SCRN3: variants seen among roughly 807,000 people sequenced by gnomAD.
The protein encoded by SCRN3 is secernin 3, also known as secernin-3.
SCRN3 carries 39 observed loss-of-function variants against 43.1 expected under a neutral mutation model. The ratio of observed to expected loss-of-function variants is 0.91; its 90% CI spans 0.70 to 1.18. SCRN3 has a LOEUF of 1.18. Among genes scored for constraint, SCRN3 ranks in the 50% most tolerant of loss-of-function variants. SCRN3 has a pLI of 0.00. For missense variants in SCRN3, 484 were observed against 498.0 expected (o/e 0.97, Z 0.27); for synonymous variants, 147 against 163.1 (o/e 0.90, Z 0.75).
rs888428309 is a variant in SCRN3, at chr2:174,427,758, G to T, written c.1138G>T (p.Glu380Ter). The change falls in exon 8 of 8, where the codon GAA (glutamate) becomes TAA (stop). Residue 380 changes from glutamate to a stop codon, truncating the protein, a stop_gained. Coordinates refer to ENST00000272732, the MANE Select transcript of SCRN3 (RefSeq NM_024583.5). LOFTEE classifies it high-confidence loss of function. ...GGACAACATGAGGAAACTGGAGAAA[G>T]AACTATTCAGAGAGATGGAATCAAT... ...MLDNMRKLEK[E>*]LFREMESILQ... 1 of 1,609,716 alleles carries T rather than the reference G, an allele frequency of 6.2e-7. No individual in the cohort carries two copies. The highest frequency in any genetic ancestry group is 1.3e-5 in the African/African-American group (1 of 74,810).
chr2:174,396,786 T>C (rs1423326441), intron 1 of SCRN3, among the ~76,000 whole-genome samples: 1 of 146,892 alleles, frequency 6.8e-6, no homozygotes, highest in African/African-American at 2.5e-5. Flanking sequence ...CAACAAGAGT[T>C]AAACTCCATC....
chr2:174,406,860 A>C (rs376816470), intron 5 of SCRN3, among the ~76,000 whole-genome samples: 4,785 of 112,514 alleles, frequency 0.043, 70 homozygotes, highest in Middle Eastern at 0.14. Flanking sequence ...ATTTGGTTTG[A>C]CAGTATTTTA....
intron 1 of SCRN3, among the ~76,000 whole-genome samples, chr2:174,397,638 A>G (rs771317358): frequency 1.3e-5 from 2 of 152,146 alleles, no homozygotes; most frequent in Admixed American, 6.6e-5. Context: ...TTTCCATAAG[A>G]CAAGTTCCAG....
intron 5 of SCRN3, among the ~76,000 whole-genome samples, chr2:174,412,500 T>C (rs1472610210): frequency 3.0e-5 from 3 of 99,518 alleles, no homozygotes; most frequent in Admixed American, 2.0e-4. Flanking sequence ...TTCTCTCCCA[T>C]CTAGAGGAAT....
intron 5 of SCRN3, 40 bp downstream of exon 5, chr2:174,404,355 C>A: frequency 1.4e-6 from 2 of 1,394,888 alleles, no homozygotes; most frequent in Non-Finnish European, 2.0e-6. Context: ...TGACAAACTA[C>A]ATTTTGTGTA....
chr2:174,396,653 C>A (rs1337536114), intron 1 of SCRN3, among the ~76,000 whole-genome samples: 1 of 152,166 alleles, frequency 6.6e-6, no homozygotes, highest in African/African-American at 2.4e-5. Context: ...GAAAAATTAG[C>A]CGGGTGTGGT....
intron 5 of SCRN3, among the ~76,000 whole-genome samples, chr2:174,408,389 A>G (rs1685771842): frequency 7.1e-6 from 1 of 140,194 alleles, no homozygotes; most frequent in East Asian, 2.1e-4. Flanking sequence ...AATACAGCAC[A>G]CTGATGGATC....
In SCRN3 at chr2:174,428,400, A is replaced by G. The variant is rs1273510701; in HGVS notation, c.*505A>G. On this transcript the variant is annotated 3_prime_UTR_variant, in exon 8 of 8. Coordinates refer to ENST00000272732, the MANE Select transcript of SCRN3 (RefSeq NM_024583.5). ...ATGTCTAGATTTACACATTGTCAAT[A>G]CAGTATATTAGTTCTGCAAATGCAC... The G allele has an allele frequency of 6.5e-6, 1 of 152,694 alleles. No individual in the cohort carries two copies. The highest frequency in any genetic ancestry group is 6.5e-5 in the Admixed American group (1 of 15,288). The allele number at this position is 152,694 out of a possible 1,614,324, so 9.5% of individuals were successfully genotyped here. A position where few individuals can be genotyped will look rare whatever the true frequency, so the allele number is the denominator to read the frequency against.
intron 6 of SCRN3, among the ~76,000 whole-genome samples, chr2:174,423,689 T>TTGATCTCC (rs1305548476): frequency 6.6e-6 from 1 of 152,096 alleles, no homozygotes; most frequent in African/African-American, 2.4e-5. Flanking sequence ...CAGGATGGTC[T>TTGATCTCC]TGATCTCCTG....
intron 2 of SCRN3, among the ~76,000 whole-genome samples, chr2:174,399,477 A>G (rs922970353): frequency 6.6e-6 from 1 of 152,228 alleles, no homozygotes; most frequent in African/African-American, 2.4e-5. Context: ...GTTGAGAACT[A>G]CTTCCTTAAG....
intron 4 of SCRN3, among the ~76,000 whole-genome samples, chr2:174,403,853 G>A (rs1359637710): frequency 6.6e-6 from 1 of 151,722 alleles, no homozygotes; most frequent in East Asian, 1.9e-4. Flanking sequence ...GGGAAACTGG[G>A]TAAAGGGTAC....
chr2:174,399,027 C>T (rs960634821), intron 2 of SCRN3, among the ~76,000 whole-genome samples: 6 of 152,168 alleles, frequency 3.9e-5, no homozygotes, highest in African/African-American at 7.2e-5. Flanking sequence ...TATCAATATA[C>T]ATTTTATGCA....
intron 5 of SCRN3, among the ~76,000 whole-genome samples, chr2:174,417,375 T>C (rs547105790): frequency 1.3e-5 from 2 of 152,178 alleles, no homozygotes; most frequent in Non-Finnish European, 2.9e-5. Flanking sequence ...GGCCAGATAC[T>C]GTGCTAAATG....
At chr2:174,420,032 A>C (rs1686245748) in intron 5 of SCRN3, among the ~76,000 whole-genome samples, 1 of 152,180 alleles carries the variant, frequency 6.6e-6, no homozygotes, top group South Asian at 2.1e-4. Context: ...AAGACTCTAC[A>C]CATTGAGAAG....
Position 174,427,958 on chromosome 2 carries a change from A to G in SCRN3, c.*63A>G. 9.1e-7 allele frequency: 1 copy of G among 1,101,394 alleles called. No homozygotes were observed. The highest frequency in any genetic ancestry group is 1.3e-6 in the Non-Finnish European group (1 of 753,124). The allele number at this position is 1,101,394 out of a possible 1,614,324, so 68.2% of individuals were successfully genotyped here. A position where few individuals can be genotyped will look rare whatever the true frequency, so the allele number is the denominator to read the frequency against. On this transcript the variant is annotated 3_prime_UTR_variant, in exon 8 of 8. Coordinates refer to ENST00000272732, the MANE Select transcript of SCRN3 (RefSeq NM_024583.5). ...AGTGGTCAGTAATCTTCAAAGTCAG[A>G]ATCTATCACCTTGGTAAATTATATA...
intron 5 of SCRN3, among the ~76,000 whole-genome samples, chr2:174,418,031 A>G (rs947555933): frequency 1.3e-5 from 2 of 152,336 alleles, no homozygotes; most frequent in Admixed American, 6.5e-5. Flanking sequence ...TGCATAATCA[A>G]GATGGAGAGG....
rs375596137 is a variant in SCRN3, at chr2:174,427,444, CT to C, written c.1093-265del. Among the ~76,000 whole-genome samples the C allele has an allele frequency of 2.5e-4, 38 of 152,200 alleles. No homozygotes were observed. In the East Asian group the frequency reaches 7.3e-3, roughly 29 times the overall value. The stretch of plus-strand genomic sequence containing the variant: ...ATGAGATTTTCTATTGTCCTGTTGT[CT>C]TTTAGGTTTTTTACTTATAAACTAC... On this transcript the variant is annotated intron_variant, in intron 7 of 7. Coordinates refer to ENST00000272732, the MANE Select transcript of SCRN3 (RefSeq NM_024583.5).
At chr2:174,397,802 C>T (rs145440512) in intron 1 of SCRN3, among the ~76,000 whole-genome samples, 28 of 152,098 alleles carry the variant, frequency 1.8e-4, no homozygotes, top group East Asian at 5.8e-4. Flanking sequence ...AATGGTGAAA[C>T]GAAATTCAGG....
intron 1 of SCRN3, 190 bp downstream of exon 1, chr2:174,396,007 C>A: frequency 7.4e-7 from 1 of 1,352,476 alleles, no homozygotes. Context: ...AAGCTCGAGC[C>A]CATTACTTTC....
Sources: gnomAD v4.1 joint callset for allele counts (sites outside exome capture counted in the v4.1 genomes callset) on GRCh38, gnomAD v4.1.1 for gene constraint, MANE v1.5 for transcripts, NCBI Gene and HGNC (gene_info 2026-07-23, HGNC 2026-07-21) for gene names.